The following ITGA9 variants were observed in gnomAD, a reference collection of about 807,000 sequenced individuals.
ITGA9 encodes the protein integrin subunit alpha 9, also known as integrin alpha-9.
ITGA9 carries 56 observed loss-of-function variants against 127.8 expected under a neutral mutation model. The ratio of observed to expected loss-of-function variants is 0.44; its 90% CI spans 0.35 to 0.55. The LOEUF is 0.55. Ranked by LOEUF, ITGA9 falls within the 20% of genes least tolerant of loss-of-function variation. The pLI is 0.00. For missense variants in ITGA9, 1,196 were observed against 1,347.1 expected (o/e 0.89, Z 1.76); for synonymous variants, 508 against 514.5 (o/e 0.99, Z 0.17).
intron 13 of ITGA9, among the ~76,000 whole-genome samples, chr3:37,530,289 G>C (rs1221651534): frequency 6.6e-6 from 1 of 152,216 alleles, no homozygotes; most frequent in Non-Finnish European, 1.5e-5. Flanking sequence ...ACTGATGTTA[G>C]ATTTTGAGTT....
chr3:37,664,881 A>G (rs551359714), intron 17 of ITGA9, among the ~76,000 whole-genome samples: 3 of 152,186 alleles, frequency 2.0e-5, no homozygotes, highest in Admixed American at 2.0e-4. Flanking sequence ...AAATGTTGTC[A>G]GAACATTAGC....
intron 15 of ITGA9, among the ~76,000 whole-genome samples, chr3:37,601,855 G>A (rs560173284): frequency 6.6e-6 from 1 of 152,296 alleles, no homozygotes; most frequent in South Asian, 2.1e-4. Context: ...GGTTCTGCAG[G>A]GTGTACAAGA....
chr3:37,803,101 C>G (rs574921655), intron 26 of ITGA9, among the ~76,000 whole-genome samples: 1 of 152,320 alleles, frequency 6.6e-6, no homozygotes, highest in Admixed American at 6.5e-5. Flanking sequence ...CTCTAAGTGA[C>G]ACATTGAGCT....
At chr3:37,624,467 GCCT>G (rs1308756416) in intron 15 of ITGA9, among the ~76,000 whole-genome samples, 11 of 152,032 alleles carry the variant, frequency 7.2e-5, no homozygotes, top group Admixed American at 2.6e-4. Flanking sequence ...CCATGTGGCA[GCCT>G]CCTCCTTAGC....
chr3:37,553,240 T>G (rs951317804), intron 15 of ITGA9, among the ~76,000 whole-genome samples: 39 of 152,190 alleles, frequency 2.6e-4, no homozygotes, highest in African/African-American at 7.7e-4. Context: ...AGGACATTCT[T>G]TTACGTAACC....
intron 15 of ITGA9, among the ~76,000 whole-genome samples, chr3:37,608,077 C>T (rs375006080): frequency 1.2e-4 from 18 of 152,296 alleles, no homozygotes; most frequent in East Asian, 1.9e-4. Context: ...CATCTTTGTG[C>T]GCAGCCTGGT....
At chr3:37,776,736 A>G (rs2125549898) in intron 23 of ITGA9, among the ~76,000 whole-genome samples, 1 of 152,346 alleles carries the variant, frequency 6.6e-6, no homozygotes, top group Non-Finnish European at 1.5e-5. Context: ...AAGCAAAATC[A>G]AATCACTCAC....
At chr3:37,635,531 C>T (rs998615276) in intron 16 of ITGA9, among the ~76,000 whole-genome samples, 2 of 151,884 alleles carry the variant, frequency 1.3e-5, no homozygotes, top group African/African-American at 4.8e-5. Flanking sequence ...GCATCAACCT[C>T]TCTTGGGATT....
chr3:37,544,441 G>A (rs1699306351), intron 15 of ITGA9, among the ~76,000 whole-genome samples: 1 of 152,160 alleles, frequency 6.6e-6, no homozygotes, highest in South Asian at 2.1e-4. Flanking sequence ...TATTGCATGG[G>A]ATATACTTAT....
intron 1 of ITGA9, among the ~76,000 whole-genome samples, chr3:37,465,715 G>C (rs1471427901): frequency 6.6e-6 from 1 of 152,146 alleles, no homozygotes; most frequent in East Asian, 1.9e-4. Context: ...TGATGGGGAG[G>C]GGAAGGTCTT....
intron 4 of ITGA9, among the ~76,000 whole-genome samples, chr3:37,486,917 T>C (rs1052566636): frequency 6.6e-6 from 1 of 152,224 alleles, no homozygotes; most frequent in Non-Finnish European, 1.5e-5. Context: ...ATTTCTAGTG[T>C]GTGTTTGCAT....
At chr3:37,771,277 T>C (rs2685098) in intron 23 of ITGA9, among the ~76,000 whole-genome samples, 78,711 of 151,998 alleles carry the variant, frequency 0.52, 21,239 homozygotes, top group African/African-American at 0.64. Context: ...AAAAGCATCA[T>C]GTCCCCTTGA....
At chr3:37,786,171 T>C (rs978334161) in intron 26 of ITGA9, among the ~76,000 whole-genome samples, 4 of 152,214 alleles carry the variant, frequency 2.6e-5, no homozygotes, top group African/African-American at 9.7e-5. Context: ...ATTTACCCTC[T>C]CTTAGAACAG....
At chr3:37,688,824 G>GT (rs2125665955) in intron 18 of ITGA9, among the ~76,000 whole-genome samples, 1 of 152,258 alleles carries the variant, frequency 6.6e-6, no homozygotes, top group Non-Finnish European at 1.5e-5. Context: ...GGATGGATGG[G>GT]TGGGTGGGTG....
intron 12 of ITGA9, among the ~76,000 whole-genome samples, chr3:37,524,931 C>A (rs1699078040): frequency 6.6e-6 from 1 of 152,194 alleles, no homozygotes; most frequent in South Asian, 2.1e-4. Flanking sequence ...AATTTAAAGA[C>A]TATTGAAGAA....
intron 16 of ITGA9, among the ~76,000 whole-genome samples, chr3:37,648,793 C>G (rs2125645086): frequency 6.6e-6 from 1 of 152,056 alleles, no homozygotes; most frequent in East Asian, 1.9e-4. Flanking sequence ...AATCAGAACA[C>G]TATATTACTA....
chr3:37,507,260 A>G (rs940986926), intron 7 of ITGA9, among the ~76,000 whole-genome samples: 11 of 152,212 alleles, frequency 7.2e-5, no homozygotes, highest in African/African-American at 2.7e-4. Context: ...AAGTAGAGAA[A>G]GAAGCACTGA....
intron 1 of ITGA9, among the ~76,000 whole-genome samples, chr3:37,468,186 A>C (rs1286859957): frequency 6.6e-6 from 1 of 152,022 alleles, no homozygotes; most frequent in Admixed American, 6.6e-5. Context: ...GGTGCATCCC[A>C]GGGCATTATT....
At chr3:37,524,364 A>G (rs1197097376) in intron 12 of ITGA9, among the ~76,000 whole-genome samples, 1 of 152,228 alleles carries the variant, frequency 6.6e-6, no homozygotes, top group African/African-American at 2.4e-5. Flanking sequence ...CTTTTGAGAA[A>G]TATTTCTTTC....
Sources: gnomAD v4.1 joint callset for allele counts (sites outside exome capture counted in the v4.1 genomes callset) on GRCh38, gnomAD v4.1.1 for gene constraint, MANE v1.5 for transcripts, NCBI Gene and HGNC (gene_info 2026-07-23, HGNC 2026-07-21) for gene names.